Variants in MAF observed in about 807,000 individuals in gnomAD.
MAF encodes MAF bZIP transcription factor.
In MAF, 10 loss-of-function variants were observed where a neutral mutation model predicts 22.0. That is an observed-to-expected ratio of 0.45 (90% CI 0.28 to 0.77). The LOEUF (loss-of-function observed/expected upper bound fraction) is 0.77, where lower values mean the gene tolerates loss of function less well. MAF is among the 30% of genes least tolerant of loss of function. The pLI is 0.12. For synonymous variants in MAF, 337 were observed against 255.8 expected (o/e 1.32, Z -3.03); for missense variants, 544 against 548.4 (o/e 0.99, Z 0.08).
chr16:79,385,529 C>G, the MAF span, among the ~76,000 whole-genome samples: 1 of 152,200 alleles, frequency 6.6e-6, no homozygotes, highest in African/African-American at 2.4e-5. Flanking sequence ...AAGCATGCGT[C>G]TACTTATGGC....
chr16:79,445,702 C>T, the MAF span, among the ~76,000 whole-genome samples: 5 of 152,186 alleles, frequency 3.3e-5, no homozygotes, highest in Non-Finnish European at 7.3e-5. Context: ...TGATTGACAG[C>T]AAAGGACCAG....
the MAF span, among the ~76,000 whole-genome samples, chr16:79,427,634 C>G: frequency 6.6e-6 from 1 of 152,068 alleles, no homozygotes; most frequent in Non-Finnish European, 1.5e-5. Context: ...CCTCTCAAAT[C>G]GCTCTCCATT....
At chr16:79,239,889 C>A in the MAF span, among the ~76,000 whole-genome samples, 2 of 152,072 alleles carry the variant, frequency 1.3e-5, no homozygotes, top group South Asian at 4.2e-4. Flanking sequence ...ACTTTAGAAG[C>A]CTTGAAGAAA....
the MAF span, among the ~76,000 whole-genome samples, chr16:79,452,245 GTA>G: frequency 6.6e-6 from 1 of 152,180 alleles, no homozygotes; most frequent in Non-Finnish European, 1.5e-5. Context: ...GACACTGGGT[GTA>G]TATAAAACAA....
chr16:79,217,781 G>T, the MAF span, among the ~76,000 whole-genome samples: 1 of 152,064 alleles, frequency 6.6e-6, no homozygotes, highest in South Asian at 2.1e-4. Flanking sequence ...TAGGAAACAA[G>T]AAATTGAAGC....
At chr16:79,291,215 G>A in the MAF span, among the ~76,000 whole-genome samples, 1 of 152,156 alleles carries the variant, frequency 6.6e-6, no homozygotes, top group Non-Finnish European at 1.5e-5. Flanking sequence ...AGGAGTGGAG[G>A]GCAGGGAGGT....
chr16:79,450,390 G>A, the MAF span, among the ~76,000 whole-genome samples: 1 of 152,166 alleles, frequency 6.6e-6, no homozygotes, highest in African/African-American at 2.4e-5. Context: ...TATCAATGTA[G>A]ACTCTTGCAA....
At chr16:79,248,092 G>A in the MAF span, among the ~76,000 whole-genome samples, 1 of 151,688 alleles carries the variant, frequency 6.6e-6, no homozygotes. Flanking sequence ...CCCTCATGTC[G>A]GGATTAATTT....
At chr16:79,338,548 C>G in the MAF span, among the ~76,000 whole-genome samples, 1 of 152,086 alleles carries the variant, frequency 6.6e-6, no homozygotes, top group African/African-American at 2.4e-5. Context: ...CCAAAAAGAA[C>G]AATCGTGTTG....
the MAF span, among the ~76,000 whole-genome samples, chr16:79,313,969 T>A: frequency 1.3e-5 from 2 of 152,146 alleles, no homozygotes; most frequent in Admixed American, 6.5e-5. Context: ...TAACTAAGAA[T>A]AAAGGCCAGG....
the MAF span, among the ~76,000 whole-genome samples, chr16:79,210,573 C>G: frequency 6.6e-6 from 1 of 152,176 alleles, no homozygotes; most frequent in Non-Finnish European, 1.5e-5. Context: ...ACCCCTCTCC[C>G]TCTCATCAGC....
the MAF span, among the ~76,000 whole-genome samples, chr16:79,248,862 C>G: frequency 6.6e-6 from 1 of 151,968 alleles, no homozygotes; most frequent in African/African-American, 2.4e-5. Flanking sequence ...TAGTCAATTT[C>G]ATAAAATTTT....
the MAF span, among the ~76,000 whole-genome samples, chr16:79,351,855 A>G: frequency 6.6e-6 from 1 of 152,114 alleles, no homozygotes; most frequent in Non-Finnish European, 1.5e-5. Context: ...TTCACCATGG[A>G]TGGGCTTCCT....
chr16:79,349,595 A>G, the MAF span, among the ~76,000 whole-genome samples: 1 of 152,132 alleles, frequency 6.6e-6, no homozygotes, highest in Non-Finnish European at 1.5e-5. Context: ...CTGCCTCTCC[A>G]TAGGCCTCCT....
chr16:79,594,496 G>A lies in MAF; in HGVS notation c.1176C>T (p.Pro392=). ...PSVGYATFWK[P]QHRVLTSVFT... The stretch of plus-strand genomic sequence containing the variant: ...ACACACTGGTAAGTACACGATGCTG[G>A]GGCTTCCAAAATGTGGCGTATCCCA... The change falls in exon 2 of 2, where the codon CCC becomes CCT. Residue 392 remains proline (P), a synonymous_variant. Coordinates refer to ENST00000326043, the MANE Select transcript of MAF (RefSeq NM_005360.5). 1.3e-6 allele frequency: 2 copies of A among 1,566,986 alleles called. No individual in the cohort carries two copies. The highest frequency in any genetic ancestry group is 1.7e-6 in the Non-Finnish European group (2 of 1,153,136).
chr16:79,209,776 C>G, the MAF span, among the ~76,000 whole-genome samples: 1 of 152,186 alleles, frequency 6.6e-6, no homozygotes, highest in Non-Finnish European at 1.5e-5. Flanking sequence ...TCCCTTTTCC[C>G]CACATGGGAT....
chr16:79,286,761 C>A, the MAF span, among the ~76,000 whole-genome samples: 1 of 152,174 alleles, frequency 6.6e-6, no homozygotes, highest in African/African-American at 2.4e-5. Context: ...TCCACCCGTT[C>A]TCACATGGCC....
At chr16:79,510,090 G>A in the MAF span, among the ~76,000 whole-genome samples, 2 of 152,214 alleles carry the variant, frequency 1.3e-5, no homozygotes, top group Admixed American at 6.5e-5. Flanking sequence ...CTCGGCGATT[G>A]CAGGACGGCT....
At chr16:79,369,617 T>G in the MAF span, among the ~76,000 whole-genome samples, 4 of 152,152 alleles carry the variant, frequency 2.6e-5, no homozygotes, top group Non-Finnish European at 5.9e-5. Flanking sequence ...GACTTGGGAG[T>G]TTGTGTCGAT....
Sources: gnomAD v4.1 joint callset for allele counts (sites outside exome capture counted in the v4.1 genomes callset) on GRCh38, gnomAD v4.1.1 for gene constraint, MANE v1.5 for transcripts, NCBI Gene and HGNC (gene_info 2026-07-23, HGNC 2026-07-21) for gene names.